Variants in HFM1 observed in about 807,000 individuals in gnomAD.
HFM1 encodes helicase for meiosis 1.
HFM1 carries 169 observed loss-of-function variants against 192.1 expected under a neutral mutation model. That is an observed-to-expected ratio of 0.88 (90% CI 0.78 to 1.00). HFM1 has a LOEUF of 1.00. Ranked by LOEUF, HFM1 falls within the 50% of genes least tolerant of loss-of-function variation. The probability of loss-of-function intolerance (pLI) is 0.00; values close to 1 mark genes in which losing one functional copy is unlikely to be tolerated. For synonymous variants in HFM1, 525 were observed against 537.8 expected (o/e 0.98, Z 0.33); for missense variants, 1,661 against 1,668.0 (o/e 1.00, Z 0.07).
At chr1:91,284,322 C>T (rs927868760) in intron 30 of HFM1, among the ~76,000 whole-genome samples, 3 of 151,888 alleles carry the variant, frequency 2.0e-5, no homozygotes, top group Admixed American at 1.3e-4. Flanking sequence ...CAACTCACTG[C>T]AACCTCCGCC....
intron 30 of HFM1, among the ~76,000 whole-genome samples, chr1:91,285,123 A>G (rs111994317): frequency 0.12 from 18,300 of 152,052 alleles, 1,205 homozygotes; most frequent in Middle Eastern, 0.18. Context: ...TTCTGCCATG[A>G]TTGTGAGGCC....
chr1:91,268,513 A>G (rs1228559275), intron 34 of HFM1, among the ~76,000 whole-genome samples: 3 of 152,008 alleles, frequency 2.0e-5, no homozygotes, highest in Non-Finnish European at 4.4e-5. Flanking sequence ...ATAAGGCAAC[A>G]ACAGTACCTA....
At chr1:91,299,680 G>C (rs1458612660) in intron 30 of HFM1, among the ~76,000 whole-genome samples, 1 of 152,170 alleles carries the variant, frequency 6.6e-6, no homozygotes, top group Non-Finnish European at 1.5e-5. Flanking sequence ...GCTCCTGAAT[G>C]ACTACTGGGT....
intron 4 of HFM1, 112 bp from the exon 5 acceptor site, chr1:91,385,946 T>C (rs1403306807): frequency 4.9e-6 from 4 of 821,326 alleles, no homozygotes; most frequent in Non-Finnish European, 5.8e-6. Flanking sequence ...TATGGTTTAC[T>C]CAAACAAAAA....
intron 20 of HFM1, chr1:91,329,486 TG>T (rs1653477110): frequency 1.9e-6 from 3 of 1,558,054 alleles, no homozygotes; most frequent in African/African-American, 1.4e-5. Flanking sequence ...AGGCAAAGAC[TG>T]GGGCAGCAAG....
intron 34 of HFM1, among the ~76,000 whole-genome samples, chr1:91,272,117 A>G (rs1163807993): frequency 6.6e-6 from 1 of 152,164 alleles, no homozygotes; most frequent in East Asian, 1.9e-4. Context: ...CATTTAAAGT[A>G]TGTTTTGCCA....
intron 1 of HFM1, among the ~76,000 whole-genome samples, chr1:91,402,495 A>G (rs1467718358): frequency 2.0e-5 from 3 of 152,188 alleles, no homozygotes; most frequent in African/African-American, 7.2e-5. Flanking sequence ...GTGTGGTTCT[A>G]TAAATGTCTA....
Position 91,323,111 on chromosome 1 carries a change from G to A in HFM1, c.2516C>T (p.Pro839Leu). The stretch of plus-strand genomic sequence containing the variant: ...TCTGTACCTGATAGTTATCCGATTT[G>A]GATCTTTGTTCAAAGTATTCAGTGT... ...KKTLNTLNKD[P>L]NRITIRFPME... The change falls in exon 22 of 39, where the codon CCA (proline) becomes CTA (leucine). Residue 839 changes from proline to leucine, a missense_variant. Coordinates refer to ENST00000370425, the MANE Select transcript of HFM1 (RefSeq NM_001017975.6). The A allele has an allele frequency of 6.4e-7, 1 of 1,561,778 alleles. No individual in the cohort carries two copies. Among genetic ancestry groups the A allele is most frequent in the Non-Finnish European group, 8.8e-7 (1 of 1,140,546 alleles).
intron 13 of HFM1, among the ~76,000 whole-genome samples, chr1:91,365,783 G>GT (rs1659214409): frequency 6.6e-6 from 1 of 151,964 alleles, no homozygotes; most frequent in Non-Finnish European, 1.5e-5. Flanking sequence ...CCACTGTTAG[G>GT]TATCTTAGAA....
At chr1:91,335,846 G>A (rs1156853709) in intron 20 of HFM1, among the ~76,000 whole-genome samples, 1 of 151,920 alleles carries the variant, frequency 6.6e-6, no homozygotes, top group Non-Finnish European at 1.5e-5. Flanking sequence ...ACTTTCATGA[G>A]ATGGCCCCAG....
intron 4 of HFM1, among the ~76,000 whole-genome samples, chr1:91,387,530 T>A (rs1372543093): frequency 1.3e-5 from 2 of 150,954 alleles, no homozygotes; most frequent in South Asian, 2.1e-4. Context: ...TTAGGACACC[T>A]GCGTTACCGT....
intron 38 of HFM1, among the ~76,000 whole-genome samples, chr1:91,262,009 T>C (rs146304967): frequency 0.012 from 1,873 of 152,276 alleles, 37 homozygotes; most frequent in African/African-American, 0.042. Context: ...ATCAACTCAA[T>C]ATAATGTTTG....
At chr1:91,338,887 C>A (rs941125123) in intron 20 of HFM1, 2 of 455,502 alleles carry the variant, frequency 4.4e-6, no homozygotes, top group African/African-American at 2.0e-5. Context: ...TCTGCCACTG[C>A]CCCATTTAAG....
In HFM1 at chr1:91,375,509, G is replaced by T. The variant is rs763162289; in HGVS notation, c.1596+18C>A. The T allele has an allele frequency of 2.5e-6, 4 of 1,610,650 alleles. No individual in the cohort carries two copies. Among genetic ancestry groups the T allele is most frequent in the Admixed American group, 1.7e-5 (1 of 59,832 alleles). On this transcript the variant is annotated intron_variant, in intron 12 of 38. Transcript: ENST00000370425. ...AAAAACTGAATATACTAAAAAATAA[G>T]CTATCAACAATCCATACCACAAGTG...
intron 38 of HFM1, 24 bp downstream of exon 38, chr1:91,262,216 TA>T: frequency 8.9e-7 from 1 of 1,123,644 alleles, no homozygotes. Context: ...GATATAATCT[TA>T]AAGTGTCTTT....
intron 20 of HFM1, among the ~76,000 whole-genome samples, chr1:91,337,215 T>C (rs371471707): frequency 6.6e-6 from 1 of 152,178 alleles, no homozygotes; most frequent in Non-Finnish European, 1.5e-5. Flanking sequence ...CATCTGCTCA[T>C]ATACCAGAAC....
intron 20 of HFM1, among the ~76,000 whole-genome samples, 200 bp downstream of exon 20, chr1:91,343,230 C>CAAAAAAAAAAA (rs34902756): frequency 4.0e-5 from 3 of 74,874 alleles, no homozygotes; most frequent in African/African-American, 5.5e-5. Context: ...GACTCTGTCT[C>CAAAAAAAAAAA]AAAAAAAAAA....
intron 20 of HFM1, among the ~76,000 whole-genome samples, chr1:91,333,488 G>C (rs1654117931): frequency 6.6e-6 from 1 of 151,316 alleles, no homozygotes; most frequent in Non-Finnish European, 1.5e-5. Flanking sequence ...GAGTTTGGTG[G>C]GGATGGTTAA....
chr1:91,404,800 C>T lies in HFM1; in HGVS notation c.-30G>A, dbSNP rs1306472418. Reference sequence around the variant, plus strand: ...GGCGTCCGGGCCCCTCTCCTCACCTCCCTGCGGACAGCTCCTAGGCCAGTC... The same window carrying T: ...GGCGTCCGGGCCCCTCTCCTCACCTTCCTGCGGACAGCTCCTAGGCCAGTC... On this transcript the variant is annotated splice_region_variant and 5_prime_UTR_variant, in exon 1 of 39. Coordinates refer to ENST00000370425, the MANE Select transcript of HFM1 (RefSeq NM_001017975.6). The T allele has an allele frequency of 4.4e-6, 2 of 453,350 alleles. No homozygotes were observed. Among genetic ancestry groups the T allele is most frequent in the South Asian group, 1.6e-5 (1 of 64,098 alleles). The allele number at this position is 453,350 out of a possible 1,614,324, so 28.1% of individuals were successfully genotyped here.
Sources: allele counts gnomAD v4.1 joint callset (sites outside exome capture counted in the v4.1 genomes callset), GRCh38; gene constraint gnomAD v4.1.1; transcripts MANE v1.5; gene names NCBI Gene and HGNC (gene_info 2026-07-23, HGNC 2026-07-21).